Variants in THSD7A observed in about 807,000 individuals in gnomAD.
THSD7A encodes the protein thrombospondin type 1 domain containing 7A.
THSD7A carries 96 observed loss-of-function variants against 231.3 expected under a neutral mutation model. That is an observed-to-expected ratio of 0.41 (90% CI 0.35 to 0.49). The LOEUF is 0.49. THSD7A is among the 20% of genes least tolerant of loss of function. The pLI is 0.05. For synonymous variants in THSD7A, 940 were observed against 743.3 expected (o/e 1.26, Z -4.30); for missense variants, 2,290 against 2,070.2 (o/e 1.11, Z -2.06).
intron 2 of THSD7A, among the ~76,000 whole-genome samples, chr7:11,626,242 T>G (rs2128355610): frequency 6.6e-6 from 1 of 152,274 alleles, no homozygotes; most frequent in South Asian, 2.1e-4. Flanking sequence ...AGGTCTTATG[T>G]TAGGTGTTCT....
intron 1 of THSD7A, among the ~76,000 whole-genome samples, chr7:11,776,838 T>C (rs1783422727): frequency 6.6e-6 from 1 of 152,166 alleles, no homozygotes; most frequent in African/African-American, 2.4e-5. Flanking sequence ...AAAATTATGA[T>C]ACACTAGTTA....
intron 26 of THSD7A, 31 bp from the exon 27 acceptor site, chr7:11,376,688 A>C: frequency 6.7e-7 from 1 of 1,490,296 alleles, no homozygotes; most frequent in Non-Finnish European, 9.2e-7. Context: ...TTATTAATTT[A>C]CATTAGTCTG....
At chr7:11,492,469 C>T (rs1208707056) in intron 6 of THSD7A, among the ~76,000 whole-genome samples, 1 of 152,160 alleles carries the variant, frequency 6.6e-6, no homozygotes, top group East Asian at 1.9e-4. Context: ...CTATATTTGA[C>T]TTTGGAATCT....
chr7:11,774,063 T>G (rs572842505), intron 1 of THSD7A, among the ~76,000 whole-genome samples: 1 of 152,276 alleles, frequency 6.6e-6, no homozygotes, highest in East Asian at 1.9e-4. Context: ...TTGGCAGCAT[T>G]TGGTGATAGT....
At chr7:11,751,285 C>T (rs1180328139) in intron 1 of THSD7A, 2 of 148,266 alleles carry the variant, frequency 1.3e-5, no homozygotes, top group African/African-American at 2.4e-5. Context: ...AGGGCAATGG[C>T]TTTTCTATTA....
Position 11,387,371 on chromosome 7 carries a change from G to A in THSD7A, c.4412-4755C>T, listed in dbSNP as rs192360677. On this transcript the variant is annotated intron_variant, in intron 23 of 27. Coordinates refer to ENST00000423059, the MANE Select transcript of THSD7A (RefSeq NM_015204.3). ...ATGGGATGTTTTTCCATTTATTTGT[G>A]TCCTCTCTGATTTCCTTGAGCAGTG... Among the ~76,000 whole-genome samples, 136 of 152,046 alleles carry A rather than the reference G, an allele frequency of 8.9e-4. 1 individual carries two copies. Among genetic ancestry groups the A allele is most frequent in the Non-Finnish European group, 2.8e-4 (19 of 67,956 alleles).
intron 2 of THSD7A, among the ~76,000 whole-genome samples, chr7:11,615,821 C>A (rs1239115753): frequency 6.6e-6 from 1 of 152,134 alleles, no homozygotes; most frequent in Non-Finnish European, 1.5e-5. Flanking sequence ...TGTATTTTAT[C>A]TGACATTATA....
chr7:11,389,229 A>G (rs1293856534), intron 23 of THSD7A, among the ~76,000 whole-genome samples: 1 of 151,918 alleles, frequency 6.6e-6, no homozygotes, highest in Non-Finnish European at 1.5e-5. Context: ...GTGGGAGTCT[A>G]AGTCTCTTTG....
intron 1 of THSD7A, among the ~76,000 whole-genome samples, chr7:11,703,360 C>T (rs147678041): frequency 6.6e-6 from 1 of 151,318 alleles, no homozygotes; most frequent in East Asian, 2.0e-4. Context: ...TTCTTCTTTG[C>T]AGTTTGGGAA....
chr7:11,696,206 C>A lies in THSD7A; in HGVS notation c.191-59245G>T, dbSNP rs17165053. Among the ~76,000 whole-genome samples, 89 of 151,212 alleles carry A rather than the reference C, an allele frequency of 5.9e-4. 1 individual carries two copies. The East Asian group carries it at 0.016, about 27-fold the overall frequency. On this transcript the variant is annotated intron_variant, in intron 1 of 27. Coordinates refer to ENST00000423059, the MANE Select transcript of THSD7A (RefSeq NM_015204.3). Reference sequence around the variant, plus strand: ...CAAAGCTCTATGAATGTTCTGCAGGCAATGGGAAATAATGGATTGGCAACA... The same window carrying A: ...CAAAGCTCTATGAATGTTCTGCAGGAAATGGGAAATAATGGATTGGCAACA...
At chr7:11,453,856 A>G (rs1444090783) in intron 11 of THSD7A, among the ~76,000 whole-genome samples, 3 of 152,082 alleles carry the variant, frequency 2.0e-5, no homozygotes, top group Non-Finnish European at 4.4e-5. Flanking sequence ...GAATAAACAA[A>G]GCATCCAAAA....
intron 9 of THSD7A, among the ~76,000 whole-genome samples, chr7:11,466,503 G>A (rs541581649): frequency 6.6e-6 from 1 of 152,048 alleles, no homozygotes; most frequent in African/African-American, 2.4e-5. Context: ...AAGCATCTTG[G>A]CACTGTTATC....
chr7:11,661,591 G>T (rs1325664418), intron 1 of THSD7A, among the ~76,000 whole-genome samples: 1 of 150,744 alleles, frequency 6.6e-6, no homozygotes, highest in African/African-American at 2.4e-5. Context: ...AGCACCAAAA[G>T]AATTGGAGGA....
In THSD7A at chr7:11,474,102, CAG is replaced by C. The variant is rs952985471; in HGVS notation, c.2252+230_2252+231del. On this transcript the variant is annotated intron_variant, in intron 8 of 27. Transcript: ENST00000423059. This position sits in a 1 kb window ranked among gnomAD's most constrained non-coding sequence, Gnocchi z 4.1. ...AAAAGCAGAAAGTGCTACTATAAAA[CAG>C]AGAGTAGGCACCAGATAGAAAGATT... is the stretch of plus-strand genomic sequence containing the variant. 2.8e-4 allele frequency among the ~76,000 whole-genome samples: 42 copies of C among 152,258 alleles called. No homozygotes were observed. The highest frequency in any genetic ancestry group is 1.0e-3 in the African/African-American group (42 of 41,564).
intron 1 of THSD7A, among the ~76,000 whole-genome samples, chr7:11,668,260 T>C (rs1429006192): frequency 2.0e-5 from 3 of 151,710 alleles, no homozygotes; most frequent in East Asian, 3.9e-4. Flanking sequence ...CTAGTAAAAA[T>C]ACAAAAAATT....
intron 1 of THSD7A, among the ~76,000 whole-genome samples, chr7:11,695,672 A>C (rs1247308364): frequency 6.6e-6 from 1 of 151,526 alleles, no homozygotes; most frequent in African/African-American, 2.4e-5. Context: ...ATGGAAAACT[A>C]AACGGAGTAA....
chr7:11,732,402 A>G (rs1781768025), intron 1 of THSD7A, among the ~76,000 whole-genome samples: 1 of 151,888 alleles, frequency 6.6e-6, no homozygotes, highest in African/African-American at 2.4e-5. Context: ...GCATAGTGCA[A>G]AGTGAGTGAA....
intron 1 of THSD7A, among the ~76,000 whole-genome samples, chr7:11,727,686 A>T (rs905371832): frequency 6.6e-6 from 1 of 152,020 alleles, no homozygotes. Flanking sequence ...AGTACATTTG[A>T]TATTTCTAAT....
At position 11,566,966 on chromosome 7, in the gene THSD7A, G is replaced by GGGA. The variant is rs1790363238; in HGVS notation, c.1453+23493_1453+23494insTCC. ...AAAGTGGATCCAGCTGTGGGAGAGT[G>GGGA]GGGGGGGGACTGACCAACAAAGTTT... On this transcript the variant is annotated intron_variant, in intron 4 of 27. Coordinates refer to ENST00000423059, the MANE Select transcript of THSD7A (RefSeq NM_015204.3). Among the ~76,000 whole-genome samples, 22 of 11,270 alleles carry GGGA rather than the reference G, an allele frequency of 2.0e-3. 1 individual carries two copies. Among genetic ancestry groups the GGGA allele is most frequent in the Admixed American group, 8.8e-3 (4 of 456 alleles). 7.4% of individuals were successfully genotyped at this position (11,270 alleles called of 152,430 possible). A position where few individuals can be genotyped will look rare whatever the true frequency, so the allele number is the denominator to read the frequency against.
Sources: gnomAD v4.1 joint callset for allele counts (sites outside exome capture counted in the v4.1 genomes callset) on GRCh38, gnomAD v4.1.1 for gene constraint, Gnocchi (gnomAD v3.1) non-coding constraint, MANE v1.5 for transcripts, NCBI Gene and HGNC (gene_info 2026-07-23, HGNC 2026-07-21) for gene names.